Variants in ARMC8 observed in about 807,000 individuals in gnomAD.
ARMC8 encodes armadillo repeat-containing protein 8.
Under a neutral mutation model 99.3 loss-of-function variants are expected in ARMC8, and 20 were observed. That is an observed-to-expected ratio of 0.20 (90% confidence interval 0.14 to 0.29). ARMC8 has a LOEUF of 0.29. ARMC8 is among the 10% of genes least tolerant of loss of function. ARMC8 has a pLI of 1.00. For synonymous variants in ARMC8, 263 were observed against 278.3 expected, an observed-to-expected ratio of 0.95 and a Z score of 0.55; for missense variants, 569 against 809.5, an observed-to-expected ratio of 0.70 and a Z score of 3.60.
intron 6 of ARMC8, 114 bp from the exon 7 acceptor site, chr3:138,234,920 G>A: frequency 1.3e-6 from 1 of 787,248 alleles, no homozygotes; most frequent in Non-Finnish European, 2.0e-6. Context: ...TAAGCAAAGA[G>A]TAACAGGATT....
intron 12 of ARMC8, among the ~76,000 whole-genome samples, chr3:138,257,600 T>C (rs1471122312): frequency 6.6e-6 from 1 of 152,126 alleles, no homozygotes; most frequent in Non-Finnish European, 1.5e-5. Context: ...CTAGTCTCTA[T>C]CCCATTTCCA....
intron 1 of ARMC8, among the ~76,000 whole-genome samples, chr3:138,198,804 G>A (rs563283077): frequency 7.2e-5 from 11 of 151,894 alleles, no homozygotes; most frequent in African/African-American, 2.7e-4. Context: ...GAGCCACTGC[G>A]CCCGGCCATA....
chr3:138,266,529 CTTA>C (rs1179851547), intron 14 of ARMC8, among the ~76,000 whole-genome samples: 1 of 152,140 alleles, frequency 6.6e-6, no homozygotes, highest in East Asian at 1.9e-4. Context: ...CGGTACTTCC[CTTA>C]TTATTCACTA....
At chr3:138,200,074 T>A (rs1349005742) in intron 1 of ARMC8, among the ~76,000 whole-genome samples, 1 of 152,208 alleles carries the variant, frequency 6.6e-6, no homozygotes, top group Non-Finnish European at 1.5e-5. Context: ...TTTGTGGCAC[T>A]TTTTTGGCTA....
At chr3:138,198,276 A>G (rs925795541) in intron 1 of ARMC8, among the ~76,000 whole-genome samples, 1 of 152,078 alleles carries the variant, frequency 6.6e-6, no homozygotes, top group Non-Finnish European at 1.5e-5. Context: ...TTTTATGAAA[A>G]AAGAAACTCC....
At chr3:138,278,121 A>G (rs1469813535) in intron 18 of ARMC8, among the ~76,000 whole-genome samples, 1 of 152,214 alleles carries the variant, frequency 6.6e-6, no homozygotes, top group Admixed American at 6.5e-5. Context: ...GGATTTGACT[A>G]TAAAGGGATA....
intron 1 of ARMC8, among the ~76,000 whole-genome samples, chr3:138,191,626 T>C (rs1204153721): frequency 1.3e-5 from 2 of 152,210 alleles, no homozygotes; most frequent in Admixed American, 1.3e-4. Flanking sequence ...CTCCCTCATA[T>C]TCCCTCTTTA....
chr3:138,263,822 G>A lies in ARMC8; in HGVS notation c.1217+1G>A. The A allele has an allele frequency of 6.2e-7, 1 of 1,613,680 alleles. No homozygotes were observed. Among genetic ancestry groups the A allele is most frequent in the Non-Finnish European group, 8.5e-7 (1 of 1,179,568 alleles). ...TCAAGGTGCGGTTAGCTGCCGTCAG[G>A]TATGAGCTTTAAATGGTCTGAATAA... On this transcript the variant is annotated splice_donor_variant, in intron 13 of 21. Coordinates refer to ENST00000469044, the MANE Select transcript of ARMC8 (RefSeq NM_001363941.2). LOFTEE classifies it high-confidence loss of function.
intron 12 of ARMC8, chr3:138,262,643 T>C: frequency 6.7e-7 from 1 of 1,492,902 alleles, no homozygotes; most frequent in Non-Finnish European, 8.9e-7. Context: ...CCCTGGAGAA[T>C]CTAATTTAAT....
At chr3:138,210,426 A>G (rs569071361) in intron 2 of ARMC8, among the ~76,000 whole-genome samples, 106 of 152,352 alleles carry the variant, frequency 7.0e-4, no homozygotes, top group Non-Finnish European at 1.4e-3. Context: ...TTTAAGCAAC[A>G]TACCAGAGGT....
intron 2 of ARMC8, among the ~76,000 whole-genome samples, chr3:138,212,721 A>G (rs992466341): frequency 1.3e-5 from 2 of 152,156 alleles, no homozygotes; most frequent in African/African-American, 4.8e-5. Context: ...TCATTAAGTC[A>G]CCATTAAGTC....
intron 6 of ARMC8, 121 bp downstream of exon 6, chr3:138,229,131 CGTGT>C (rs2045849392): frequency 3.3e-5 from 2 of 61,108 alleles, no homozygotes; most frequent in South Asian, 2.1e-4. Context: ...TGTGTGTGTG[CGTGT>C]ATATATATAT....
intron 5 of ARMC8, among the ~76,000 whole-genome samples, chr3:138,227,629 CT>C (rs1207113858): frequency 3.3e-5 from 5 of 152,034 alleles, no homozygotes; most frequent in African/African-American, 4.8e-5. Flanking sequence ...CTTGGGCATT[CT>C]TTTTTTTCCC....
At chr3:138,207,485 A>G (rs1263316213) in intron 1 of ARMC8, among the ~76,000 whole-genome samples, 1 of 152,234 alleles carries the variant, frequency 6.6e-6, no homozygotes, top group East Asian at 1.9e-4. Flanking sequence ...TAAGATACAC[A>G]TCATTGAGAG....
chr3:138,241,497 T>C (rs1432082623), intron 10 of ARMC8, among the ~76,000 whole-genome samples: 2 of 152,194 alleles, frequency 1.3e-5, no homozygotes, highest in African/African-American at 4.8e-5. Context: ...TTTACAAAGT[T>C]GTACAATAAA....
chr3:138,202,134 C>CA, intron 1 of ARMC8, among the ~76,000 whole-genome samples: 1 of 152,310 alleles, frequency 6.6e-6, no homozygotes, highest in East Asian at 1.9e-4. Context: ...GATTTTCTCT[C>CA]ACAATGCTGA....
intron 12 of ARMC8, among the ~76,000 whole-genome samples, chr3:138,256,945 A>G (rs2047439230): frequency 6.6e-6 from 1 of 152,354 alleles, no homozygotes; most frequent in Admixed American, 6.5e-5. Context: ...TACTGGAAGT[A>G]AGAAAACCTG....
rs111417187 is a variant in ARMC8 at position 138,280,051 on chromosome 3, G to A, written c.1726-4380G>A. Among the ~76,000 whole-genome samples the A allele has an allele frequency of 4.6e-5, 7 of 151,140 alleles. No homozygotes were observed. The South Asian group carries it at 1.5e-3, about 32-fold the overall frequency. On this transcript the variant is annotated intron_variant, in intron 18 of 21. Coordinates refer to ENST00000469044, the MANE Select transcript of ARMC8 (RefSeq NM_001363941.2). ...CCCAAGTAGCTGGGATTACAGGCAC[G>A]TGTCACCACACCCTGCTAATTTTTG...
intron 10 of ARMC8, among the ~76,000 whole-genome samples, chr3:138,241,203 A>G (rs1353384379): frequency 6.6e-6 from 1 of 152,222 alleles, no homozygotes; most frequent in African/African-American, 2.4e-5. Context: ...AGTTACTGGG[A>G]AAACCTAGCA....
Sources: gnomAD v4.1 joint callset for allele counts (sites outside exome capture counted in the v4.1 genomes callset) on GRCh38, gnomAD v4.1.1 for gene constraint, MANE v1.5 for transcripts, NCBI Gene and HGNC (gene_info 2026-07-23, HGNC 2026-07-21) for gene names.